The following TMPRSS4 variants were observed in gnomAD, a reference collection of about 807,000 sequenced individuals.
TMPRSS4 encodes the protein transmembrane serine protease 4.
In TMPRSS4, 45 loss-of-function variants were observed where a neutral mutation model predicts 56.4. The observed-to-expected ratio is 0.80, with a 90% CI of 0.63 to 1.02. TMPRSS4 has a LOEUF of 1.02. TMPRSS4 is among the 50% of genes least tolerant of loss of function. TMPRSS4 has a pLI of 0.00. For missense variants in TMPRSS4, 546 were observed against 556.7 expected, an observed-to-expected ratio of 0.98 and a Z score of 0.19; for synonymous variants, 205 against 211.0, an observed-to-expected ratio of 0.97 and a Z score of 0.25.
At position 118,099,113 on chromosome 11, in the gene TMPRSS4, G is replaced by T. The variant is rs116316020; in HGVS notation, c.157+15G>T. ...GGTTGTCCTCAGTAAGTGACAGCCC[G>T]TACCCGACTTTCACCCTCTAAGTAA... On this transcript the variant is annotated intron_variant, in intron 3 of 12. Coordinates refer to ENST00000437212, the MANE Select transcript of TMPRSS4 (RefSeq NM_019894.4). The T allele has an allele frequency of 1.9e-6, 3 of 1,604,132 alleles. No individual in the cohort carries two copies. Among genetic ancestry groups the T allele is most frequent in the South Asian group, 1.1e-5 (1 of 90,840 alleles).
At chr11:118,123,167 A>G (rs554410821), downstream of TMPRSS4, among the ~76,000 whole-genome samples, 2 of 152,150 alleles carry the variant, frequency 1.3e-5, no homozygotes, top group Admixed American at 6.5e-5. Flanking sequence ...CCCTCATATC[A>G]TCCCACGGAT....
At chr11:118,107,629 C>T in intron 5 of TMPRSS4, 145 bp from the exon 6 acceptor site, 1 of 614,196 alleles carries the variant, frequency 1.6e-6, no homozygotes, top group African/African-American at 1.8e-5. Context: ...CCCATCTTCA[C>T]TGACTAAGAC....
At chr11:118,096,506 G>A (rs568839567) in intron 2 of TMPRSS4, among the ~76,000 whole-genome samples, 18 of 152,272 alleles carry the variant, frequency 1.2e-4, no homozygotes, top group Middle Eastern at 6.8e-3. Context: ...AGAAGGGGCC[G>A]GGCATGGTGG....
intron 12 of TMPRSS4, 76 bp from the exon 13 acceptor site, chr11:118,117,826 C>G: frequency 6.2e-7 from 1 of 1,613,622 alleles, no homozygotes; most frequent in Non-Finnish European, 8.5e-7. Context: ...AAAAGGAAGA[C>G]TCACGTTACA....
intron 9 of TMPRSS4, among the ~76,000 whole-genome samples, chr11:118,113,688 G>A (rs143594990): frequency 1.3e-5 from 2 of 152,300 alleles, no homozygotes; most frequent in East Asian, 3.9e-4. Context: ...CCCCTCGAGT[G>A]AGAACTGGAG....
At chr11:118,096,593 C>T (rs776466624) in intron 2 of TMPRSS4, among the ~76,000 whole-genome samples, 3 of 151,998 alleles carry the variant, frequency 2.0e-5, no homozygotes, top group Non-Finnish European at 2.9e-5. Context: ...TGAGACCTGT[C>T]TGGGTAACAT....
In TMPRSS4 at chr11:118,119,066, T is replaced by C. The variant is rs962798727; in HGVS notation, c.*1153T>C. ...GTTAAGTCAGATCCTAGATGAAATA[T>C]ACTTGTTCATACTGTACTAGGTTCT... is the stretch of plus-strand genomic sequence containing the variant. On this transcript the variant is annotated 3_prime_UTR_variant, in exon 13 of 13. Transcript: ENST00000437212. 1 of 985,328 alleles carries C rather than the reference T, an allele frequency of 1.0e-6. No homozygotes were observed. The highest frequency in any genetic ancestry group is 1.7e-5 in the African/African-American group (1 of 57,240). The allele number at this position is 985,328 out of a possible 1,614,324, so 61.0% of individuals were successfully genotyped here.
chr11:118,093,625 G>A (rs1453768208), intron 1 of TMPRSS4, among the ~76,000 whole-genome samples: 1 of 152,182 alleles, frequency 6.6e-6, no homozygotes, highest in Non-Finnish European at 1.5e-5. Context: ...ATGCGTCGAC[G>A]GCAGCCTAAG....
chr11:118,124,981 C>T (rs182006656), downstream of TMPRSS4, among the ~76,000 whole-genome samples: 618 of 152,314 alleles, frequency 4.1e-3, no homozygotes, highest in Middle Eastern at 0.014. Context: ...CTTCCATTCC[C>T]ACAGTTGTAA....
chr11:118,120,993 A>T lies in TMPRSS4; in HGVS notation c.*3080A>T, dbSNP rs1947773196. The T allele has an allele frequency of 6.6e-6, 1 of 152,254 alleles. No homozygotes were observed. The highest frequency in any genetic ancestry group is 2.1e-4 in the South Asian group (1 of 4,836). 9.4% of individuals were successfully genotyped at this position (152,254 alleles called of 1,614,324 possible). A position where few individuals can be genotyped will look rare whatever the true frequency, so the allele number is the denominator to read the frequency against. ...AAAGAAACTCCTTATAGCAGCAGAG[A>T]GAAAACCCAGACCACCCACAGTACC... On this transcript the variant is annotated 3_prime_UTR_variant, in exon 13 of 13. Transcript: ENST00000437212.
At position 118,078,481 on chromosome 11, in the gene TMPRSS4, G is replaced by A. The variant is rs149403669; in HGVS notation, c.3+1176G>A. 1.9e-4 allele frequency among the ~76,000 whole-genome samples: 29 copies of A among 152,324 alleles called. No individual in the cohort carries two copies. In the East Asian group the frequency reaches 2.5e-3, roughly 13 times the overall value. On this transcript the variant is annotated intron_variant, in intron 1 of 12. Coordinates refer to ENST00000437212, the MANE Select transcript of TMPRSS4 (RefSeq NM_019894.4). Reference sequence around the variant, plus strand: ...TTCTGGCAAGAACAATTCTTAGTGCGGTTGTAGCTGATGATCAGAAAGGGG... The same window carrying A: ...TTCTGGCAAGAACAATTCTTAGTGCAGTTGTAGCTGATGATCAGAAAGGGG...
chr11:118,084,775 G>A (rs1282510507), intron 1 of TMPRSS4, among the ~76,000 whole-genome samples: 1 of 152,194 alleles, frequency 6.6e-6, no homozygotes, highest in African/African-American at 2.4e-5. Flanking sequence ...ACAACCCTGT[G>A]AATTAAGTCA....
At position 118,119,346 on chromosome 11, in the gene TMPRSS4, C is replaced by G; in HGVS notation, c.*1433C>G. On this transcript the variant is annotated 3_prime_UTR_variant, in exon 13 of 13. Coordinates refer to ENST00000437212, the MANE Select transcript of TMPRSS4 (RefSeq NM_019894.4). Reference sequence around the variant, plus strand: ...TAACTGATGGCAGTAAATGTGGTCTCAAATTGCAGATGGTCTGGAGGAAAA... The same window carrying G: ...TAACTGATGGCAGTAAATGTGGTCTGAAATTGCAGATGGTCTGGAGGAAAA... 1 of 985,360 alleles carries G rather than the reference C, an allele frequency of 1.0e-6. No individual in the cohort carries two copies. Among genetic ancestry groups the G allele is most frequent in the Non-Finnish European group, 1.2e-6 (1 of 829,932 alleles). The allele number at this position is 985,360 out of a possible 1,614,324, so 61.0% of individuals were successfully genotyped here. A position where few individuals can be genotyped will look rare whatever the true frequency, so the allele number is the denominator to read the frequency against.
chr11:118,111,896 T>C lies in TMPRSS4; in HGVS notation c.739T>C (p.Phe247Leu). The C allele has an allele frequency of 3.1e-6, 5 of 1,607,646 alleles. No individual in the cohort carries two copies. The highest frequency in any genetic ancestry group is 4.2e-6 in the Non-Finnish European group (5 of 1,177,332). ...CTGGGTCCTCACGGCAGCCCACTGC[T>C]TCAGGTAAGACCCCAGCTGTAAGGA... is the stretch of plus-strand genomic sequence containing the variant. ...PHWVLTAAHC[F>L]RKHTDVFNWK... The change falls in exon 8 of 13, where the codon TTC becomes CTC. Residue 247 changes from phenylalanine (F) to leucine (L), a missense_variant. Physicochemically the swap from Phe to Leu is conservative, Grantham distance 22 (BLOSUM62 0). Transcript: ENST00000437212.
intron 1 of TMPRSS4, among the ~76,000 whole-genome samples, chr11:118,084,778 T>A (rs1945418679): frequency 6.6e-6 from 1 of 152,246 alleles, no homozygotes; most frequent in African/African-American, 2.4e-5. Flanking sequence ...ACCCTGTGAA[T>A]TAAGTCATAT....
intron 1 of TMPRSS4, among the ~76,000 whole-genome samples, chr11:118,082,699 C>A (rs530521179): frequency 6.6e-6 from 1 of 152,222 alleles, no homozygotes; most frequent in East Asian, 1.9e-4. Context: ...AAGTTTCATA[C>A]CCAATGCTGC....
At chr11:118,086,196 C>T (rs1157868483) in intron 1 of TMPRSS4, among the ~76,000 whole-genome samples, 3 of 152,216 alleles carry the variant, frequency 2.0e-5, no homozygotes, top group Non-Finnish European at 4.4e-5. Flanking sequence ...CCTCCCCAGC[C>T]CTATCTGAAC....
chr11:118,100,747 C>A (rs972310243), intron 3 of TMPRSS4, among the ~76,000 whole-genome samples: 4 of 152,180 alleles, frequency 2.6e-5, no homozygotes. Context: ...ATACACCCTG[C>A]CACAGTGGAG....
In TMPRSS4 at chr11:118,114,928, G is replaced by GT; in HGVS notation, c.1009+2dup. ...TGGGGCTTTACGAAGCAGAATGGAG[G>GT]TAAGTCCTGGGTGCAGGACCACAGG... is the stretch of plus-strand genomic sequence containing the variant. On this transcript the variant is annotated splice_donor_variant, in intron 10 of 12. Transcript: ENST00000437212. LOFTEE classifies it high-confidence loss of function. The GT allele has an allele frequency of 6.3e-7, 1 of 1,597,280 alleles. No homozygotes were observed. Among genetic ancestry groups the GT allele is most frequent in the South Asian group, 1.1e-5 (1 of 88,000 alleles).
Sources: allele counts gnomAD v4.1 joint callset (sites outside exome capture counted in the v4.1 genomes callset), GRCh38; gene constraint gnomAD v4.1.1; transcripts MANE v1.5; gene names NCBI Gene and HGNC (gene_info 2026-07-23, HGNC 2026-07-21).